RNF150: variants seen among roughly 807,000 people sequenced by gnomAD.
RNF150 encodes ring finger protein 150.
Under a neutral mutation model 39.3 loss-of-function variants are expected in RNF150, and 24 were observed. The observed-to-expected ratio is 0.61, with a 90% CI of 0.44 to 0.86. The LOEUF is 0.86. Among genes scored for constraint, RNF150 ranks in the 40% least tolerant of loss-of-function variants. The pLI is 0.00. For synonymous variants in RNF150, 255 were observed against 227.3 expected, an observed-to-expected ratio of 1.12 and a Z score of -1.10; for missense variants, 502 against 587.8, an observed-to-expected ratio of 0.85 and a Z score of 1.51.
At chr4:141,026,623 C>A (rs994996570) in intron 1 of RNF150, among the ~76,000 whole-genome samples, 1 of 152,120 alleles carries the variant, frequency 6.6e-6, no homozygotes, top group Non-Finnish European at 1.5e-5. Flanking sequence ...CTTCTTAGAC[C>A]CTTCAACACA....
intron 1 of RNF150, among the ~76,000 whole-genome samples, chr4:141,000,339 T>C (rs1216180233): frequency 6.6e-6 from 1 of 152,210 alleles, no homozygotes; most frequent in African/African-American, 2.4e-5. Flanking sequence ...ACAAATTTCA[T>C]AAATATATTC....
rs140375819 is a variant in RNF150 at position 140,911,231 on chromosome 4, G to T, written c.1111C>A (p.Pro371Thr). The change falls in exon 6 of 7, where the codon CCT becomes ACT. Residue 371 changes from proline (P) to threonine (T), a missense_variant. Pro to Thr is a conservative substitution (Grantham distance 38). Coordinates refer to ENST00000515673, the MANE Select transcript of RNF150 (RefSeq NM_020724.2). The stretch of plus-strand genomic sequence containing the variant: ...AAGGCTCCCACAGTCCGGACAGCAG[G>T]GTCCAAAGTGACTGAACTTTCATTC... ...TVNESSVTLDPAVRTVGALQV... is the reference protein window; with the variant it reads ...TVNESSVTLDTAVRTVGALQV... 1.4e-5 allele frequency: 22 copies of T among 1,613,968 alleles called. No homozygotes were observed. The Middle Eastern group carries it at 1.2e-3, about 84-fold the overall frequency.
chr4:140,928,536 T>C (rs1425784084), intron 4 of RNF150, among the ~76,000 whole-genome samples: 5 of 152,150 alleles, frequency 3.3e-5, no homozygotes, highest in Admixed American at 6.5e-5. Context: ...GGATCTACGC[T>C]CTGTATCTTT....
At chr4:140,990,567 A>G (rs1734159364) in intron 1 of RNF150, among the ~76,000 whole-genome samples, 2 of 152,244 alleles carry the variant, frequency 1.3e-5, no homozygotes, top group South Asian at 4.1e-4. Context: ...GCTCCCGCTA[A>G]TAAGTGAGAA....
intron 1 of RNF150, among the ~76,000 whole-genome samples, chr4:141,000,923 C>T (rs921473556): frequency 4.6e-5 from 7 of 152,036 alleles, no homozygotes; most frequent in South Asian, 2.1e-4. Context: ...TTTATAAGTC[C>T]TATGTCAAAA....
chr4:141,027,273 C>T (rs372309279), intron 1 of RNF150, among the ~76,000 whole-genome samples: 76 of 152,276 alleles, frequency 5.0e-4, no homozygotes, highest in African/African-American at 1.8e-3. Flanking sequence ...GTTCATAAGT[C>T]ACGATACATG....
At chr4:141,105,416 C>T (rs1739164164) in intron 1 of RNF150, among the ~76,000 whole-genome samples, 1 of 152,180 alleles carries the variant, frequency 6.6e-6, no homozygotes, top group Non-Finnish European at 1.5e-5. Context: ...CTGTAATATA[C>T]ATCTTTACTG....
intron 1 of RNF150, among the ~76,000 whole-genome samples, chr4:141,156,405 T>C (rs1358202253): frequency 2.0e-5 from 3 of 152,032 alleles, no homozygotes; most frequent in African/African-American, 7.2e-5. Flanking sequence ...CTCATCCTCC[T>C]GAGTAGGAGG....
At chr4:140,925,596 T>C (rs1731364522) in intron 5 of RNF150, among the ~76,000 whole-genome samples, 1 of 152,078 alleles carries the variant, frequency 6.6e-6, no homozygotes. Context: ...AAAGTGTGGC[T>C]TACGGATCTT....
At chr4:141,024,454 G>A (rs959989082) in intron 1 of RNF150, among the ~76,000 whole-genome samples, 1 of 152,122 alleles carries the variant, frequency 6.6e-6, no homozygotes, top group Non-Finnish European at 1.5e-5. Context: ...CCAGAAAGCA[G>A]AAGCAAGTAC....
chr4:141,036,437 G>A (rs1307619031), intron 1 of RNF150, among the ~76,000 whole-genome samples: 1 of 152,162 alleles, frequency 6.6e-6, no homozygotes, highest in Non-Finnish European at 1.5e-5. Context: ...TAAGTGTGCA[G>A]CATAGTAGTG....
intron 1 of RNF150, among the ~76,000 whole-genome samples, chr4:141,205,855 G>T (rs183304915): frequency 1.3e-5 from 2 of 152,080 alleles, no homozygotes; most frequent in Non-Finnish European, 2.9e-5. Context: ...GTATGTGTGC[G>T]CACACCTGTG....
At chr4:141,143,014 C>A (rs1008772849) in intron 1 of RNF150, among the ~76,000 whole-genome samples, 5 of 151,928 alleles carry the variant, frequency 3.3e-5, no homozygotes, top group African/African-American at 9.7e-5. Context: ...GGACTACAGG[C>A]GCACACAGCC....
chr4:141,181,438 TA>T (rs1455187673), intron 1 of RNF150, among the ~76,000 whole-genome samples: 14 of 152,332 alleles, frequency 9.2e-5, no homozygotes, highest in African/African-American at 3.4e-4. Context: ...ACATAATTAA[TA>T]ATAAATGCAT....
chr4:140,889,169 C>T (rs1166753696), intron 6 of RNF150, among the ~76,000 whole-genome samples: 1 of 152,164 alleles, frequency 6.6e-6, no homozygotes, highest in Non-Finnish European at 1.5e-5. Flanking sequence ...AGACATGAGC[C>T]ACTGTGCCTG....
At chr4:141,064,600 C>T (rs1737378882) in intron 1 of RNF150, among the ~76,000 whole-genome samples, 1 of 122,872 alleles carries the variant, frequency 8.1e-6, no homozygotes, top group Non-Finnish European at 1.8e-5. Flanking sequence ...GACAGCACAG[C>T]ACCATCTCTA....
At chr4:141,161,001 T>C (rs935906472) in intron 1 of RNF150, among the ~76,000 whole-genome samples, 6 of 152,106 alleles carry the variant, frequency 3.9e-5, no homozygotes, top group Admixed American at 6.5e-5. Context: ...CCTGAAAATA[T>C]GGAAGCAACT....
chr4:140,993,275 T>A (rs907429831), intron 1 of RNF150, among the ~76,000 whole-genome samples: 1 of 152,168 alleles, frequency 6.6e-6, no homozygotes, highest in Non-Finnish European at 1.5e-5. Context: ...CCACATTTCT[T>A]GGCTTGTAGC....
chr4:140,947,046 G>A (rs1732343057), intron 4 of RNF150, among the ~76,000 whole-genome samples: 1 of 151,900 alleles, frequency 6.6e-6, no homozygotes, highest in African/African-American at 2.4e-5. Flanking sequence ...ATTTCAATTA[G>A]GGAGAGGGAA....
Sources: gnomAD v4.1 joint callset for allele counts (sites outside exome capture counted in the v4.1 genomes callset) on GRCh38, gnomAD v4.1.1 for gene constraint, MANE v1.5 for transcripts, NCBI Gene and HGNC (gene_info 2026-07-23, HGNC 2026-07-21) for gene names.